The following KCNK13 variants were observed in gnomAD, a reference collection of about 807,000 sequenced individuals.
The protein encoded by KCNK13 is potassium two pore domain channel subfamily K member 13.
Under a neutral mutation model 23.4 loss-of-function variants are expected in KCNK13, and 12 were observed. That is an observed-to-expected ratio of 0.51 (90% CI 0.33 to 0.83). KCNK13 has a LOEUF of 0.83. Among genes scored for constraint, KCNK13 ranks in the 40% least tolerant of loss-of-function variants. The probability of loss-of-function intolerance (pLI) is 0.02; values close to 1 mark genes in which losing one functional copy is unlikely to be tolerated. For synonymous variants in KCNK13, 231 were observed against 229.5 expected, an observed-to-expected ratio of 1.01 and a Z score of -0.06; for missense variants, 463 against 556.3, an observed-to-expected ratio of 0.83 and a Z score of 1.69.
At chr14:90,066,322 T>A (rs1197395638) in intron 1 of KCNK13, among the ~76,000 whole-genome samples, 5 of 151,294 alleles carry the variant, frequency 3.3e-5, no homozygotes, top group Non-Finnish European at 7.4e-5. Context: ...TGGAGTGCAG[T>A]GGCATGAGCT....
At chr14:90,133,433 G>A (rs985487332) in intron 1 of KCNK13, among the ~76,000 whole-genome samples, 1 of 152,070 alleles carries the variant, frequency 6.6e-6, no homozygotes, top group Non-Finnish European at 1.5e-5. Flanking sequence ...TCTTTTAGGG[G>A]TGATGCAAAC....
At chr14:90,135,191 G>A (rs76534682) in intron 1 of KCNK13, among the ~76,000 whole-genome samples, 4,379 of 152,230 alleles carry the variant, frequency 0.029, 196 homozygotes, top group African/African-American at 0.1. Flanking sequence ...GGACTCATTC[G>A]AAAAGAAAAC....
At position 90,062,630 on chromosome 14, in the gene KCNK13, C is replaced by A; in HGVS notation, c.334+91C>A. 2.0e-6 allele frequency: 2 copies of A among 996,548 alleles called. No homozygotes were observed. Among genetic ancestry groups the A allele is most frequent in the Non-Finnish European group, 2.8e-6 (2 of 707,160 alleles). 61.7% of individuals were successfully genotyped at this position (996,548 alleles called of 1,614,324 possible). On this transcript the variant is annotated intron_variant, in intron 1 of 1. Transcript: ENST00000282146. The surrounding 1 kb of genome is among the most constrained non-coding windows in gnomAD (Gnocchi z 4.5). ...CCGACCCTCTCATCCTTTCATTCAT[C>A]CATCTGGGCGCCCAGCCAGACTCCA...
chr14:90,079,515 T>G (rs1889183128), intron 1 of KCNK13, among the ~76,000 whole-genome samples: 2 of 152,108 alleles, frequency 1.3e-5, no homozygotes, highest in Admixed American at 1.3e-4. Flanking sequence ...CACCCAGGTC[T>G]CACCTGTGTG....
intron 1 of KCNK13, among the ~76,000 whole-genome samples, chr14:90,164,137 C>T (rs1291478964): frequency 6.6e-6 from 1 of 152,198 alleles, no homozygotes; most frequent in African/African-American, 2.4e-5. Context: ...TTCCCCATGA[C>T]TAGCTAAAAT....
At chr14:90,116,584 A>G (rs1023813426) in intron 1 of KCNK13, among the ~76,000 whole-genome samples, 4 of 152,172 alleles carry the variant, frequency 2.6e-5, no homozygotes, top group African/African-American at 9.6e-5. Flanking sequence ...ACCTCCATGG[A>G]TGCTTTGGGA....
chr14:90,075,759 G>A (rs1283190191), intron 1 of KCNK13, among the ~76,000 whole-genome samples: 1 of 152,084 alleles, frequency 6.6e-6, no homozygotes, highest in East Asian at 1.9e-4. Flanking sequence ...GGGATTACAG[G>A]CATGAGCCAC....
intron 1 of KCNK13, among the ~76,000 whole-genome samples, chr14:90,148,794 A>G (rs1890102549): frequency 6.6e-6 from 1 of 152,246 alleles, no homozygotes; most frequent in African/African-American, 2.4e-5. Flanking sequence ...TCGCTCTGCT[A>G]ATCATCACTC....
rs558316744 is a variant in KCNK13 at position 90,140,136 on chromosome 14, C to T, written c.335-43975C>T. 3.4e-4 allele frequency among the ~76,000 whole-genome samples: 52 copies of T among 152,066 alleles called. 1 individual carries two copies. The Middle Eastern group carries it at 0.014, about 40-fold the overall frequency. On this transcript the variant is annotated intron_variant, in intron 1 of 1. Transcript: ENST00000282146. ...AAATTATCATGAAAGAGACTGGAGA[C>T]GTAAGGGTTAAAACAGGCCCCTTGG...
intron 1 of KCNK13, among the ~76,000 whole-genome samples, chr14:90,084,652 T>G (rs1425863061): frequency 6.6e-6 from 1 of 152,218 alleles, no homozygotes; most frequent in African/African-American, 2.4e-5. Context: ...TGACTAGAAC[T>G]CCCACTGCAA....
chr14:90,175,887 C>G (rs1450234492), intron 1 of KCNK13, among the ~76,000 whole-genome samples: 1 of 152,130 alleles, frequency 6.6e-6, no homozygotes, highest in East Asian at 1.9e-4. Context: ...ATGGCTGGGC[C>G]TGTCTCTCCA....
At chr14:90,155,969 C>T (rs957850655) in intron 1 of KCNK13, among the ~76,000 whole-genome samples, 2 of 151,880 alleles carry the variant, frequency 1.3e-5, no homozygotes, top group African/African-American at 2.4e-5. Context: ...TTTGGGAGGC[C>T]GAGGCAGGCA....
intron 1 of KCNK13, among the ~76,000 whole-genome samples, chr14:90,098,933 C>T (rs1889442859): frequency 6.6e-6 from 1 of 151,980 alleles, no homozygotes; most frequent in African/African-American, 2.4e-5. Flanking sequence ...CAAAAATTAG[C>T]CGGGCGTGAT....
At chr14:90,169,709 A>G (rs770209604) in intron 1 of KCNK13, among the ~76,000 whole-genome samples, 2 of 152,124 alleles carry the variant, frequency 1.3e-5, no homozygotes, top group East Asian at 3.9e-4. Context: ...CCCTCTCCAC[A>G]TAACTCCTAG....
At chr14:90,154,470 C>G (rs1659652485) in intron 1 of KCNK13, among the ~76,000 whole-genome samples, 2 of 152,186 alleles carry the variant, frequency 1.3e-5, no homozygotes, top group Non-Finnish European at 2.9e-5. Flanking sequence ...GCCTGCTCTA[C>G]TACCCACAAT....
chr14:90,084,666 C>T (rs561999487), intron 1 of KCNK13, among the ~76,000 whole-genome samples: 18 of 152,232 alleles, frequency 1.2e-4, no homozygotes, highest in Admixed American at 3.3e-4. Context: ...ACTGCAATGT[C>T]GAATAGAGAT....
chr14:90,143,104 A>G (rs2140429092), intron 1 of KCNK13, among the ~76,000 whole-genome samples: 1 of 151,294 alleles, frequency 6.6e-6, no homozygotes, highest in Admixed American at 6.6e-5. Context: ...AGGTAGGGAC[A>G]CCTTTACAAA....
intron 1 of KCNK13, among the ~76,000 whole-genome samples, chr14:90,077,558 C>T (rs1436972115): frequency 6.6e-6 from 1 of 152,152 alleles, no homozygotes; most frequent in Non-Finnish European, 1.5e-5. Context: ...GCTTTGTTTT[C>T]ATCTATTTGC....
intron 1 of KCNK13, among the ~76,000 whole-genome samples, chr14:90,157,926 C>T (rs1435540667): frequency 3.3e-5 from 5 of 152,134 alleles, no homozygotes; most frequent in Non-Finnish European, 7.3e-5. Flanking sequence ...GTCTCGAGCT[C>T]CTGATCTCAA....
Sources: allele counts gnomAD v4.1 joint callset (sites outside exome capture counted in the v4.1 genomes callset), GRCh38; gene constraint gnomAD v4.1.1; non-coding constraint Gnocchi (gnomAD v3.1); transcripts MANE v1.5; gene names NCBI Gene and HGNC (gene_info 2026-07-23, HGNC 2026-07-21).